The following FRS2 variants were observed in gnomAD, a reference collection of about 807,000 sequenced individuals.
FRS2 encodes the protein fibroblast growth factor receptor substrate 2, also known as FGFR signalling adaptor.
A neutral mutation model predicts 43.9 loss-of-function variants in FRS2; 8 were observed. The observed-to-expected ratio is 0.18, with a 90% CI of 0.11 to 0.33. The LOEUF (loss-of-function observed/expected upper bound fraction) is 0.33, where lower values mean the gene tolerates loss of function less well. FRS2 is among the 10% of genes least tolerant of loss of function. The probability of loss-of-function intolerance (pLI) is 1.00; values close to 1 mark genes in which losing one functional copy is unlikely to be tolerated. For missense variants in FRS2, 534 were observed against 627.6 expected (o/e 0.85, Z 1.59); for synonymous variants, 219 against 220.3 (o/e 0.99, Z 0.05).
At chr12:69,483,336 T>C (rs1402795472) in intron 1 of FRS2, among the ~76,000 whole-genome samples, 1 of 152,224 alleles carries the variant, frequency 6.6e-6, no homozygotes, top group African/African-American at 2.4e-5. Flanking sequence ...TCCTTAGTGC[T>C]GCCTCTTTGT....
chr12:69,570,145 G>A (rs962028136), intron 5 of FRS2, among the ~76,000 whole-genome samples, 186 bp from the exon 6 acceptor site: 2 of 152,154 alleles, frequency 1.3e-5, no homozygotes, highest in South Asian at 2.1e-4. Context: ...TCTACATTTT[G>A]TTTCCCCAGT....
At chr12:69,553,500 C>G (rs1244037467) in intron 3 of FRS2, among the ~76,000 whole-genome samples, 2 of 151,892 alleles carry the variant, frequency 1.3e-5, no homozygotes, top group Non-Finnish European at 2.9e-5. Flanking sequence ...ATGATTGTAC[C>G]TTTAAATTTT....
intron 3 of FRS2, among the ~76,000 whole-genome samples, chr12:69,541,686 G>A (rs1174909126): frequency 6.6e-6 from 1 of 151,874 alleles, no homozygotes; most frequent in African/African-American, 2.4e-5. Context: ...TTAGCCACAT[G>A]CGGTGGCATA....
At position 69,545,755 on chromosome 12, in the gene FRS2, C is replaced by CAAAAA. The variant is rs60460901; in HGVS notation, c.-122+13718_-122+13722dup. 9.6e-3 allele frequency among the ~76,000 whole-genome samples: 764 copies of CAAAAA among 79,446 alleles called. 1 individual carries two copies. The highest frequency in any genetic ancestry group is 0.015 in the Non-Finnish European group (579 of 39,372). 52.1% of individuals were successfully genotyped at this position (79,446 alleles called of 152,430 possible). A position where few individuals can be genotyped will look rare whatever the true frequency, so the allele number is the denominator to read the frequency against. On this transcript the variant is annotated intron_variant, in intron 3 of 8. Coordinates refer to ENST00000549921, the MANE Select transcript of FRS2 (RefSeq NM_001278356.2). ...TGGGCGACAGTGTGAGACCCTGTCTCAAAAAAAAAAAAAAAAAAAAAAACA... is the reference window on the plus strand; with the variant it reads ...TGGGCGACAGTGTGAGACCCTGTCTCAAAAAAAAAAAAAAAAAAAAAAAAAAAACA...
intron 1 of FRS2, among the ~76,000 whole-genome samples, chr12:69,528,550 T>A (rs1307943073): frequency 2.0e-5 from 3 of 152,196 alleles, no homozygotes; most frequent in African/African-American, 7.2e-5. Context: ...AACAACAGTT[T>A]AAGAAAACCA....
intron 3 of FRS2, among the ~76,000 whole-genome samples, chr12:69,535,587 C>T (rs1877194127): frequency 6.6e-6 from 1 of 152,000 alleles, no homozygotes; most frequent in Non-Finnish European, 1.5e-5. Flanking sequence ...TCAAGCAATC[C>T]TCCCACCTAG....
chr12:69,534,123 A>G (rs568349618), intron 3 of FRS2, among the ~76,000 whole-genome samples: 2 of 152,190 alleles, frequency 1.3e-5, no homozygotes, highest in Non-Finnish European at 2.9e-5. Context: ...TTGTTGTTCA[A>G]AAATACACTA....
At chr12:69,542,159 CATACTT>C (rs1431781469) in intron 3 of FRS2, among the ~76,000 whole-genome samples, 1 of 152,090 alleles carries the variant, frequency 6.6e-6, no homozygotes, top group Non-Finnish European at 1.5e-5. Flanking sequence ...TACTGACAGA[CATACTT>C]AGTATAACAA....
intron 1 of FRS2, among the ~76,000 whole-genome samples, chr12:69,487,637 T>G (rs1872076846): frequency 6.6e-6 from 1 of 152,194 alleles, no homozygotes; most frequent in African/African-American, 2.4e-5. Flanking sequence ...GCCCATAGAT[T>G]GAGGAGTAAT....
chr12:69,537,029 T>C (rs1258547628), intron 3 of FRS2, among the ~76,000 whole-genome samples: 1 of 152,156 alleles, frequency 6.6e-6, no homozygotes, highest in Admixed American at 6.5e-5. Flanking sequence ...ATAATTAATA[T>C]ATTATTTATT....
intron 5 of FRS2, among the ~76,000 whole-genome samples, chr12:69,569,315 C>T (rs925675934): frequency 6.6e-6 from 1 of 152,072 alleles, no homozygotes; most frequent in Non-Finnish European, 1.5e-5. Context: ...ATTAGCCATA[C>T]CGTTCTGGTA....
intron 4 of FRS2, among the ~76,000 whole-genome samples, chr12:69,563,850 A>G (rs1422120681): frequency 1.3e-5 from 2 of 152,164 alleles, no homozygotes; most frequent in South Asian, 2.1e-4. Context: ...TCCTCAGAGA[A>G]TGAAGCATTC....
chr12:69,483,514 TTC>T (rs939665883), intron 1 of FRS2, among the ~76,000 whole-genome samples: 3 of 152,210 alleles, frequency 2.0e-5, no homozygotes, highest in Non-Finnish European at 4.4e-5. Context: ...AAATTCTTAA[TTC>T]TATCACTAAT....
intron 1 of FRS2, among the ~76,000 whole-genome samples, chr12:69,527,226 A>T (rs1876332592): frequency 6.6e-6 from 1 of 151,956 alleles, no homozygotes; most frequent in Admixed American, 6.6e-5. Context: ...TCACCCCTTA[A>T]TGCCCTTAAT....
intron 1 of FRS2, among the ~76,000 whole-genome samples, chr12:69,504,380 A>G (rs1873738241): frequency 6.6e-6 from 1 of 152,126 alleles, no homozygotes; most frequent in African/African-American, 2.4e-5. Context: ...ATAAATAAAA[A>G]GTTTTTAAGG....
chr12:69,538,197 TTATATATATATATATA>T (rs151295024), intron 3 of FRS2, among the ~76,000 whole-genome samples: 10 of 81,622 alleles, frequency 1.2e-4, no homozygotes, highest in African/African-American at 3.3e-4. Flanking sequence ...AAAACAAATT[TTATATATATATATATA>T]TATATATATA....
chr12:69,575,738 T>C lies in FRS2; in HGVS notation c.*783T>C, dbSNP rs149315784. On this transcript the variant is annotated 3_prime_UTR_variant, in exon 9 of 9. Coordinates refer to ENST00000549921, the MANE Select transcript of FRS2 (RefSeq NM_001278356.2). The stretch of plus-strand genomic sequence containing the variant: ...CAATCTCCTGAAAGTTTTTCTCCTA[T>C]AGATTGTTGACAACACATTGTTTTC... 5 of 152,772 alleles carry C rather than the reference T, an allele frequency of 3.3e-5. No homozygotes were observed. The highest frequency in any genetic ancestry group is 1.2e-4 in the African/African-American group (5 of 41,584). The allele number at this position is 152,772 out of a possible 1,614,324, so 9.5% of individuals were successfully genotyped here. A position where few individuals can be genotyped will look rare whatever the true frequency, so the allele number is the denominator to read the frequency against.
intron 1 of FRS2, among the ~76,000 whole-genome samples, chr12:69,474,407 G>A (rs1370668964): frequency 6.8e-6 from 1 of 146,866 alleles, no homozygotes; most frequent in East Asian, 2.1e-4. Flanking sequence ...AAGTGCCAAG[G>A]GAGAATGTAG....
intron 1 of FRS2, among the ~76,000 whole-genome samples, chr12:69,494,856 C>T (rs891012065): frequency 6.6e-6 from 1 of 152,162 alleles, no homozygotes; most frequent in Non-Finnish European, 1.5e-5. Flanking sequence ...TCGCTGCAAC[C>T]TCCACCTCCT....
Sources: allele counts gnomAD v4.1 joint callset (sites outside exome capture counted in the v4.1 genomes callset), GRCh38; gene constraint gnomAD v4.1.1; transcripts MANE v1.5; gene names NCBI Gene and HGNC (gene_info 2026-07-23, HGNC 2026-07-21).